ZFYVE1: variants seen among roughly 807,000 people sequenced by gnomAD.
ZFYVE1 encodes zinc finger FYVE-type containing 1, also known as zinc finger FYVE domain-containing protein 1.
A neutral mutation model predicts 74.4 loss-of-function variants in ZFYVE1; 30 were observed. The ratio of observed to expected loss-of-function variants is 0.40; its 90% CI spans 0.30 to 0.55. The LOEUF is 0.55. Ranked by LOEUF, ZFYVE1 falls within the 20% of genes least tolerant of loss-of-function variation. ZFYVE1 has a pLI of 0.42. For synonymous variants in ZFYVE1, 335 were observed against 385.1 expected (o/e 0.87, Z 1.52); for missense variants, 703 against 1,011.6 (o/e 0.69, Z 4.14).
intron 2 of ZFYVE1, among the ~76,000 whole-genome samples, chr14:73,004,776 T>C (rs1193471553): frequency 6.6e-6 from 1 of 152,026 alleles, no homozygotes; most frequent in Non-Finnish European, 1.5e-5. Context: ...AGCAGATGGA[T>C]CACTTGAGCC....
chr14:72,979,162 ACAGAGGCAC>A, intron 5 of ZFYVE1, 193 bp from the exon 6 acceptor site: 1 of 555,372 alleles, frequency 1.8e-6, no homozygotes, highest in East Asian at 3.2e-5. Context: ...CAACAGCACT[ACAGAGGCAC>A]AGCGACTACT....
At position 72,971,018 on chromosome 14, in the gene ZFYVE1, G is replaced by A; in HGVS notation, c.2198C>T (p.Ser733Phe). 6.2e-7 allele frequency: 1 copy of A among 1,614,236 alleles called. No individual in the cohort carries two copies. Among genetic ancestry groups the A allele is most frequent in the Non-Finnish European group, 8.5e-7 (1 of 1,180,054 alleles). The stretch of plus-strand genomic sequence containing the variant: ...TCCGCAGGCCCGGCAGTGGTGCTTG[G>A]AGAGCTTGATGCTGAACTCCTTCCG... ...NCRKEFSIKL[S>F]KHHCRACGQG... Residue 733 changes from serine to phenylalanine, a missense_variant, in exon 12 of 12, where the codon TCC becomes TTC. Transcript: ENST00000556143.
intron 4 of ZFYVE1, among the ~76,000 whole-genome samples, chr14:72,987,991 C>T (rs1415734633): frequency 6.6e-6 from 1 of 152,058 alleles, no homozygotes; most frequent in Non-Finnish European, 1.5e-5. Flanking sequence ...GTCTCTCTCT[C>T]ACACACACAC....
At chr14:72,995,283 G>C (rs1893717248) in intron 3 of ZFYVE1, among the ~76,000 whole-genome samples, 2 of 152,128 alleles carry the variant, frequency 1.3e-5, no homozygotes, top group African/African-American at 4.8e-5. Flanking sequence ...TTTTAGTAGA[G>C]ACAGGGTTTC....
At chr14:72,971,217 C>G in intron 11 of ZFYVE1, 103 bp from the exon 12 acceptor site, 1 of 1,159,432 alleles carries the variant, frequency 8.6e-7, no homozygotes, top group South Asian at 1.4e-5. Flanking sequence ...ATCCCAACTG[C>G]ACACAGAATT....
At chr14:73,008,405 G>A (rs1432951851) in intron 2 of ZFYVE1, among the ~76,000 whole-genome samples, 2 of 152,138 alleles carry the variant, frequency 1.3e-5, no homozygotes, top group African/African-American at 2.4e-5. Context: ...TGATCCGTCC[G>A]TCTCAGCCTC....
intron 6 of ZFYVE1, 45 bp from the exon 7 acceptor site, chr14:72,978,279 T>A: frequency 6.3e-7 from 1 of 1,597,274 alleles, no homozygotes. Context: ...GTTTTTTGTT[T>A]GTTTTTTTAA....
At chr14:73,023,874 C>A (rs745425838) in intron 2 of ZFYVE1, 152 bp downstream of exon 2, 8 of 1,133,682 alleles carry the variant, frequency 7.1e-6, no homozygotes, top group Non-Finnish European at 1.0e-5. Flanking sequence ...CAGCTGGTAA[C>A]TAAATCTGAC....
intron 2 of ZFYVE1, among the ~76,000 whole-genome samples, chr14:73,019,938 G>A (rs961511048): frequency 1.5e-4 from 22 of 149,844 alleles, no homozygotes; most frequent in African/African-American, 5.4e-4. Context: ...GCAACAGAGT[G>A]AGACTCAGTC....
At chr14:73,001,578 A>G (rs991899095) in intron 2 of ZFYVE1, among the ~76,000 whole-genome samples, 9 of 152,114 alleles carry the variant, frequency 5.9e-5, no homozygotes, top group Non-Finnish European at 1.3e-4. Flanking sequence ...TAATAATCCT[A>G]CCCTCCAAAT....
At chr14:72,984,151 G>A (rs913082479) in intron 4 of ZFYVE1, among the ~76,000 whole-genome samples, 1 of 151,962 alleles carries the variant, frequency 6.6e-6, no homozygotes, top group African/African-American at 2.4e-5. Context: ...CTGACCAAGC[G>A]GCAACCCTGG....
At position 72,998,312 on chromosome 14, in the gene ZFYVE1, T is replaced by C. The variant is rs1346611820; in HGVS notation, c.487A>G (p.Thr163Ala). ...TTTCTAATAAAGTCTTCTTCATTTG[T>C]TACCTGCAAAAAAAAAAAAAAAGAC... is the stretch of plus-strand genomic sequence containing the variant. ...LVDENEEIQV[T>A]NEEDFIRKLD... Residue 163 changes from threonine to alanine, a missense_variant, in exon 3 of 12, where the codon ACA becomes GCA. Physicochemically the swap from Thr to Ala is moderately conservative, Grantham distance 58. Around this residue, in one of 2 missense-constraint regions of ZFYVE1, gnomAD observed 211 missense variants for 221.7 expected, o/e 0.95. Transcript: ENST00000556143. 7.2e-7 allele frequency: 1 copy of C among 1,386,730 alleles called. No homozygotes were observed. The highest frequency in any genetic ancestry group is 9.4e-7 in the Non-Finnish European group (1 of 1,062,638). 85.9% of individuals were successfully genotyped at this position (1,386,730 alleles called of 1,614,324 possible). A position where few individuals can be genotyped will look rare whatever the true frequency, so the allele number is the denominator to read the frequency against.
At chr14:73,013,073 G>A (rs1894121987) in intron 2 of ZFYVE1, among the ~76,000 whole-genome samples, 1 of 152,076 alleles carries the variant, frequency 6.6e-6, no homozygotes, top group African/African-American at 2.4e-5. Flanking sequence ...AACATCTAGG[G>A]TCAAATTTCC....
At position 72,969,624 on chromosome 14, in the gene ZFYVE1, C is replaced by T; in HGVS notation, c.*1258G>A. ...ATGACCGCCATATACTTCCCTAAAG[C>T]TCAACCCACCCACCAGTTCAGTTAA... On this transcript the variant is annotated 3_prime_UTR_variant, in exon 12 of 12. Coordinates refer to ENST00000556143, the MANE Select transcript of ZFYVE1 (RefSeq NM_021260.4). 1 of 688,712 alleles carries T rather than the reference C, an allele frequency of 1.5e-6. No homozygotes were observed. The highest frequency in any genetic ancestry group is 2.6e-6 in the Non-Finnish European group (1 of 378,754). 42.7% of individuals were successfully genotyped at this position (688,712 alleles called of 1,614,324 possible). A position where few individuals can be genotyped will look rare whatever the true frequency, so the allele number is the denominator to read the frequency against.
intron 4 of ZFYVE1, among the ~76,000 whole-genome samples, chr14:72,983,428 A>C (rs1179843285): frequency 3.0e-5 from 4 of 134,458 alleles, no homozygotes; most frequent in Non-Finnish European, 4.6e-5. Flanking sequence ...TTCAATTCCC[A>C]CCTATAAGTG....
rs115866984 is a variant in ZFYVE1, at chr14:72,981,722, G to A, written c.1310+67C>T. On this transcript the variant is annotated intron_variant, in intron 5 of 11. Transcript: ENST00000556143. The stretch of plus-strand genomic sequence containing the variant: ...GGATCTGCATCCACACCAAAGTCTA[G>A]GAAGCACCACTCAAAGGCTCTATTC... The A allele has an allele frequency of 3.3e-4, 478 of 1,465,116 alleles. 1 individual carries two copies. The African/African-American group carries it at 5.9e-3, about 18-fold the overall frequency. The allele number at this position is 1,465,116 out of a possible 1,614,324, so 90.8% of individuals were successfully genotyped here. A position where few individuals can be genotyped will look rare whatever the true frequency, so the allele number is the denominator to read the frequency against.
At position 72,977,957 on chromosome 14, in the gene ZFYVE1, C is replaced by T. The variant is rs753147139; in HGVS notation, c.1605G>A (p.Val535=). 1 of 1,614,200 alleles carries T rather than the reference C, an allele frequency of 6.2e-7. No homozygotes were observed. Among genetic ancestry groups the T allele is most frequent in the East Asian group, 2.2e-5 (1 of 44,894 alleles). The stretch of plus-strand genomic sequence containing the variant: ...GCCACACATGCACAATCTCTGTCCG[C>T]ACCACCGTATCCACAGGATCTTGGT... ...FGNQDPVDTV[V]RTEIVHVWPG... The change falls in exon 8 of 12, where the codon GTG becomes GTA. Residue 535 remains valine, a synonymous_variant. Coordinates refer to ENST00000556143, the MANE Select transcript of ZFYVE1 (RefSeq NM_021260.4).
rs1409786606 is a variant in ZFYVE1 at position 72,969,735 on chromosome 14, A to C, written c.*1147T>G. Reference sequence around the variant, plus strand: ...TCAGCACAACGGGCCCTTTCCAGTCATGACAGACAGAGATGTCCAGGCTCT... The same window carrying C: ...TCAGCACAACGGGCCCTTTCCAGTCCTGACAGACAGAGATGTCCAGGCTCT... On this transcript the variant is annotated 3_prime_UTR_variant, in exon 12 of 12. Transcript: ENST00000556143. The C allele has an allele frequency of 2.8e-6, 2 of 702,150 alleles. No individual in the cohort carries two copies. Among genetic ancestry groups the C allele is most frequent in the Non-Finnish European group, 5.2e-6 (2 of 384,834 alleles). 43.5% of individuals were successfully genotyped at this position (702,150 alleles called of 1,614,324 possible). A position where few individuals can be genotyped will look rare whatever the true frequency, so the allele number is the denominator to read the frequency against.
chr14:73,020,259 CAAA>C (rs33955263), intron 2 of ZFYVE1, among the ~76,000 whole-genome samples: 2 of 106,366 alleles, frequency 1.9e-5, no homozygotes, highest in Admixed American at 1.1e-4. Flanking sequence ...GACTCCATCT[CAAA>C]AAAAAAAAAA....
Sources: gnomAD v4.1 joint callset for allele counts (sites outside exome capture counted in the v4.1 genomes callset) on GRCh38, gnomAD v4.1.1 for gene constraint, gnomAD v4.1.1 regional missense constraint, MANE v1.5 for transcripts, NCBI Gene and HGNC (gene_info 2026-07-23, HGNC 2026-07-21) for gene names.